SLC9C1: variants seen among roughly 807,000 people sequenced by gnomAD.
The protein encoded by SLC9C1 is solute carrier family 9 member C1, also known as sodium/hydrogen exchanger 10.
SLC9C1 carries 97 observed loss-of-function variants against 140.9 expected under a neutral mutation model. That is an observed-to-expected ratio of 0.69 (90% CI 0.58 to 0.82). The LOEUF is 0.82. Ranked by LOEUF, SLC9C1 falls within the 40% of genes least tolerant of loss-of-function variation. SLC9C1 has a pLI of 0.00. For missense variants in SLC9C1, 1,340 were observed against 1,389.3 expected (o/e 0.96, Z 0.56); for synonymous variants, 440 against 442.6 (o/e 0.99, Z 0.07).
chr3:112,240,040 A>T (rs1213199834), intron 11 of SLC9C1, 34 bp from the exon 12 acceptor site: 13 of 1,557,596 alleles, frequency 8.3e-6, no homozygotes, highest in Non-Finnish European at 9.6e-6. Context: ...TAAATAGTAG[A>T]AACACCACAA....
At chr3:112,248,588 A>G (rs939330451) in intron 10 of SLC9C1, among the ~76,000 whole-genome samples, 8 of 152,092 alleles carry the variant, frequency 5.3e-5, no homozygotes, top group Admixed American at 3.9e-4. Context: ...GAATTTCATG[A>G]TTTCGCTAAA....
At chr3:112,256,002 C>T (rs1019187227) in intron 10 of SLC9C1, among the ~76,000 whole-genome samples, 2 of 151,740 alleles carry the variant, frequency 1.3e-5, no homozygotes, top group Non-Finnish European at 2.9e-5. Context: ...AGTTCCTAGA[C>T]ACATACATCT....
At chr3:112,162,256 C>A (rs2075324477) in intron 26 of SLC9C1, among the ~76,000 whole-genome samples, 1 of 152,140 alleles carries the variant, frequency 6.6e-6, no homozygotes, top group Non-Finnish European at 1.5e-5. Context: ...ATTGACTACC[C>A]TTTATTTCCT....
chr3:112,259,325 T>A (rs1354092788), intron 10 of SLC9C1, among the ~76,000 whole-genome samples: 5 of 150,008 alleles, frequency 3.3e-5, no homozygotes, highest in East Asian at 3.9e-4. Context: ...GGGAGAGGAT[T>A]GGAAAAAAAA....
At position 112,167,226 on chromosome 3, in the gene SLC9C1, A is replaced by C; in HGVS notation, c.3359T>G (p.Leu1120Ter). The change falls in exon 26 of 29, where the codon TTA becomes TGA. Residue 1120 changes from leucine to a stop codon, truncating the protein, a stop_gained. Transcript: ENST00000305815. LOFTEE classifies it high-confidence loss of function. ...PKHKSYLTPG[L>*]IGSVGTLEEG... is the part of the protein sequence containing the mutation. ...CTGAAAGAAGTCTAACTCACCTATT[A>C]ATCCTGGTGTAAGATAACTTTTATG... 1 of 1,606,652 alleles carries C rather than the reference A, an allele frequency of 6.2e-7. No homozygotes were observed. The highest frequency in any genetic ancestry group is 8.5e-7 in the Non-Finnish European group (1 of 1,177,266).
intron 1 of SLC9C1, among the ~76,000 whole-genome samples, chr3:112,288,593 C>CA (rs2080586963): frequency 2.6e-5 from 4 of 152,110 alleles, no homozygotes; most frequent in Admixed American, 2.6e-4. Context: ...TCCATTGCTA[C>CA]AAAAAATAAA....
chr3:112,165,851 A>G (rs980022320), intron 26 of SLC9C1, among the ~76,000 whole-genome samples: 3 of 152,208 alleles, frequency 2.0e-5, no homozygotes, highest in Non-Finnish European at 4.4e-5. Context: ...TTGTTTGGCA[A>G]TGTCCTGCCC....
intron 20 of SLC9C1, among the ~76,000 whole-genome samples, chr3:112,194,275 C>G (rs958046432): frequency 1.3e-5 from 2 of 152,136 alleles, no homozygotes; most frequent in African/African-American, 4.8e-5. Context: ...CCTATCTTTT[C>G]CCTGAAATGG....
intron 28 of SLC9C1, among the ~76,000 whole-genome samples, chr3:112,148,445 T>C (rs1406407079): frequency 6.6e-6 from 1 of 152,194 alleles, no homozygotes; most frequent in Admixed American, 6.5e-5. Context: ...TTCCCTTTAA[T>C]AATATTATTA....
At chr3:112,271,219 C>T (rs2080063798) in intron 6 of SLC9C1, among the ~76,000 whole-genome samples, 1 of 151,772 alleles carries the variant, frequency 6.6e-6, no homozygotes, top group South Asian at 2.1e-4. Flanking sequence ...TGCAAAGTTT[C>T]CAAGAGAAAG....
intron 15 of SLC9C1, among the ~76,000 whole-genome samples, chr3:112,211,591 A>G (rs1455215679): frequency 6.6e-6 from 1 of 152,246 alleles, no homozygotes; most frequent in Non-Finnish European, 1.5e-5. Context: ...TCCCACGCCC[A>G]CGGAGCCTCA....
Position 112,200,710 on chromosome 3 carries a change from C to CCTAG in SLC9C1, c.2371_2374dup (p.Gly792AlafsTer7). On this transcript the variant is annotated frameshift_variant and splice_region_variant. Coordinates refer to ENST00000305815, the MANE Select transcript of SLC9C1 (RefSeq NM_183061.3). LOFTEE classifies it high-confidence loss of function. ...TGCTAAATAGGATGAGAGCTACTTA[C>CCTAG]CTAGCTCTTTTATAGCATGTTCCAT... is the stretch of plus-strand genomic sequence containing the variant. The CCTAG allele has an allele frequency of 6.2e-7, 1 of 1,607,572 alleles. No homozygotes were observed.
At chr3:112,265,176 C>T (rs1439536228) in intron 8 of SLC9C1, among the ~76,000 whole-genome samples, 5 of 151,936 alleles carry the variant, frequency 3.3e-5, no homozygotes, top group Admixed American at 6.6e-5. Flanking sequence ...AGATCACCTA[C>T]TTCAATTGTA....
intron 8 of SLC9C1, among the ~76,000 whole-genome samples, chr3:112,265,836 C>T (rs1261063120): frequency 6.6e-6 from 1 of 152,068 alleles, no homozygotes; most frequent in African/African-American, 2.4e-5. Flanking sequence ...AAATACTCAT[C>T]TTTAGATTTT....
intron 13 of SLC9C1, among the ~76,000 whole-genome samples, chr3:112,226,609 C>G (rs1009826911): frequency 2.6e-5 from 4 of 152,062 alleles, no homozygotes; most frequent in African/African-American, 9.7e-5. Context: ...TTAATCACAG[C>G]TACTCAGGAG....
At chr3:112,234,658 G>C (rs1027557435) in intron 12 of SLC9C1, among the ~76,000 whole-genome samples, 3 of 152,202 alleles carry the variant, frequency 2.0e-5, no homozygotes, top group African/African-American at 4.8e-5. Context: ...TTTTGTGTAA[G>C]GCATAAGGAA....
intron 16 of SLC9C1, among the ~76,000 whole-genome samples, chr3:112,207,458 A>G (rs2078085931): frequency 6.6e-6 from 1 of 152,182 alleles, no homozygotes; most frequent in Admixed American, 6.6e-5. Context: ...ACAAAAGTAG[A>G]TGAGACAGCA....
intron 20 of SLC9C1, chr3:112,185,463 C>T (rs1439456134): frequency 4.4e-6 from 7 of 1,598,666 alleles, no homozygotes; most frequent in South Asian, 2.2e-5. Flanking sequence ...CAGTTTTTTC[C>T]AGCGTGGGGC....
chr3:112,253,458 A>T (rs560262620), intron 10 of SLC9C1, among the ~76,000 whole-genome samples: 1 of 152,272 alleles, frequency 6.6e-6, no homozygotes, highest in Admixed American at 6.5e-5. Flanking sequence ...AACTGACCAC[A>T]ATACCTAACC....
Sources: allele counts gnomAD v4.1 joint callset (sites outside exome capture counted in the v4.1 genomes callset), GRCh38; gene constraint gnomAD v4.1.1; transcripts MANE v1.5; gene names NCBI Gene and HGNC (gene_info 2026-07-23, HGNC 2026-07-21).